PRELID2: variants seen among roughly 807,000 people sequenced by gnomAD.
PRELID2 encodes the protein PRELI domain-containing protein 2.
A neutral mutation model predicts 28.4 loss-of-function variants in PRELID2; 25 were observed. The ratio of observed to expected loss-of-function variants is 0.88; its 90% confidence interval spans 0.64 to 1.23. The LOEUF (loss-of-function observed/expected upper bound fraction) is 1.23. Among genes scored for constraint, PRELID2 ranks in the 50% most tolerant of loss-of-function variants. PRELID2 has a pLI of 0.00. For synonymous variants in PRELID2, 76 were observed against 71.6 expected, an observed-to-expected ratio of 1.06 and a Z score of -0.31; for missense variants, 201 against 214.4, an observed-to-expected ratio of 0.94 and a Z score of 0.39.
At chr5:145,438,755 C>A in the PRELID2 span, among the ~76,000 whole-genome samples, 35,843 of 152,080 alleles carry the variant, frequency 0.24, 4,384 homozygotes, top group South Asian at 0.35. Context: ...CTGCAGAAAT[C>A]ACAAAACCTG....
At chr5:145,539,283 C>G (rs1752727809) in intron 1 of PRELID2, among the ~76,000 whole-genome samples, 1 of 152,040 alleles carries the variant, frequency 6.6e-6, no homozygotes, top group African/African-American at 2.4e-5. Flanking sequence ...GCTTCAGTAC[C>G]TGAACAACTG....
chr5:145,592,884 T>C (rs916766638), intron 1 of PRELID2, among the ~76,000 whole-genome samples: 1 of 152,132 alleles, frequency 6.6e-6, no homozygotes, highest in African/African-American at 2.4e-5. Flanking sequence ...TAGGCACCAA[T>C]AGTTTGACTA....
chr5:145,812,078 T>C (rs974741737), intron 4 of PRELID2, among the ~76,000 whole-genome samples: 1 of 152,298 alleles, frequency 6.6e-6, no homozygotes, highest in Non-Finnish European at 1.5e-5. Flanking sequence ...ATCATTCCTC[T>C]GAACACGCTG....
At chr5:145,742,214 TTTTA>T (rs1340211335) in intron 1 of PRELID2, among the ~76,000 whole-genome samples, 1 of 128,250 alleles carries the variant, frequency 7.8e-6, no homozygotes, top group Non-Finnish European at 1.6e-5. Context: ...AAATATACAT[TTTTA>T]TTTATATATA....
the PRELID2 span, among the ~76,000 whole-genome samples, chr5:145,459,715 C>T: frequency 1.3e-5 from 2 of 151,826 alleles, no homozygotes; most frequent in African/African-American, 2.4e-5. Flanking sequence ...TAATCATGTC[C>T]CCCCAAAAAT....
intron 4 of PRELID2, among the ~76,000 whole-genome samples, chr5:145,810,557 C>T (rs1166271530): frequency 6.6e-6 from 1 of 152,106 alleles, no homozygotes; most frequent in South Asian, 2.1e-4. Flanking sequence ...TGAGGGAATG[C>T]AAAACTCCAA....
At chr5:145,366,700 C>T in the PRELID2 span, among the ~76,000 whole-genome samples, 7 of 151,858 alleles carry the variant, frequency 4.6e-5, no homozygotes, top group South Asian at 2.1e-4. Context: ...CAAACCAAAG[C>T]GTATCTCTGT....
chr5:145,322,910 G>A, the PRELID2 span, among the ~76,000 whole-genome samples: 1 of 152,114 alleles, frequency 6.6e-6, no homozygotes, highest in Non-Finnish European at 1.5e-5. Context: ...GAACCCGGAA[G>A]GCGGAGGTTG....
chr5:145,296,201 A>G, the PRELID2 span, among the ~76,000 whole-genome samples: 1 of 150,868 alleles, frequency 6.6e-6, no homozygotes, highest in African/African-American at 2.4e-5. Context: ...TTATTTTATT[A>G]TTATTATACT....
intron 5 of PRELID2, among the ~76,000 whole-genome samples, chr5:145,765,747 C>T (rs1213238565): frequency 2.0e-5 from 3 of 152,202 alleles, no homozygotes; most frequent in Non-Finnish European, 2.9e-5. Flanking sequence ...ACAATACCGC[C>T]TGCAGGCAAA....
At chr5:145,803,656 CAA>C (rs1288425374) in intron 4 of PRELID2, among the ~76,000 whole-genome samples, 1 of 147,558 alleles carries the variant, frequency 6.8e-6, no homozygotes, top group Non-Finnish European at 1.5e-5. Context: ...AAGCACCCAA[CAA>C]ATGTGAGTAA....
chr5:145,812,811 T>C (rs982194882), intron 4 of PRELID2, among the ~76,000 whole-genome samples: 3 of 152,180 alleles, frequency 2.0e-5, no homozygotes, highest in Admixed American at 6.6e-5. Context: ...ATACCTATTA[T>C]GGAGAGAATA....
intron 1 of PRELID2, among the ~76,000 whole-genome samples, chr5:145,593,393 G>T (rs913497001): frequency 3.3e-5 from 5 of 152,140 alleles, no homozygotes; most frequent in African/African-American, 7.2e-5. Context: ...TCTATGAAAG[G>T]TTTCTAAGGT....
intron 1 of PRELID2, among the ~76,000 whole-genome samples, chr5:145,573,880 G>C (rs1303811759): frequency 6.6e-6 from 1 of 152,160 alleles, no homozygotes; most frequent in Non-Finnish European, 1.5e-5. Flanking sequence ...CAAGAAAAGA[G>C]GAGAGGGTAG....
At chr5:145,700,644 GCCCACCACAGGTTCT>G (rs1210860557) in intron 1 of PRELID2, among the ~76,000 whole-genome samples, 2 of 152,158 alleles carry the variant, frequency 1.3e-5, no homozygotes, top group East Asian at 3.9e-4. Flanking sequence ...TGTCCTTGCT[GCCCACCACAGGTTCT>G]CCCAGGGGTC....
At chr5:145,280,171 T>C in the PRELID2 span, among the ~76,000 whole-genome samples, 1 of 152,172 alleles carries the variant, frequency 6.6e-6, no homozygotes. Flanking sequence ...TGAGTTTGTT[T>C]GAAACATGCC....
the PRELID2 span, among the ~76,000 whole-genome samples, chr5:145,419,908 T>A: frequency 6.6e-6 from 1 of 152,040 alleles, no homozygotes; most frequent in East Asian, 1.9e-4. Flanking sequence ...GATTTTTGTA[T>A]AAGGTGTAAG....
intron 1 of PRELID2, among the ~76,000 whole-genome samples, chr5:145,710,177 T>A (rs1329538107): frequency 6.6e-6 from 1 of 152,186 alleles, no homozygotes; most frequent in Non-Finnish European, 1.5e-5. Context: ...CACTGTCTAC[T>A]TTGCTTAAGG....
At chr5:145,441,754 T>A in the PRELID2 span, among the ~76,000 whole-genome samples, 1 of 152,084 alleles carries the variant, frequency 6.6e-6, no homozygotes, top group African/African-American at 2.4e-5. Flanking sequence ...ACACATTGCC[T>A]CTGCAGTTTG....
Sources: allele counts gnomAD v4.1 joint callset (sites outside exome capture counted in the v4.1 genomes callset), GRCh38; gene constraint gnomAD v4.1.1; transcripts MANE v1.5; gene names NCBI Gene and HGNC (gene_info 2026-07-23, HGNC 2026-07-21).